Variants in MPP2 observed in about 807,000 individuals in gnomAD.
MPP2 encodes MAGUK p55 scaffold protein 2.
In MPP2, 42 loss-of-function variants were observed where a neutral mutation model predicts 58.5. The ratio of observed to expected loss-of-function variants is 0.72; its 90% CI spans 0.56 to 0.93. MPP2 has a LOEUF of 0.93. Among genes scored for constraint, MPP2 ranks in the 40% least tolerant of loss-of-function variants. The pLI is 0.00. For synonymous variants in MPP2, 300 were observed against 307.8 expected (o/e 0.97, Z 0.26); for missense variants, 632 against 760.4 (o/e 0.83, Z 1.99).
intron 5 of MPP2, 146 bp downstream of exon 5, chr17:43,882,757 G>C (rs147032937): frequency 3.2e-6 from 4 of 1,253,030 alleles, no homozygotes; most frequent in Non-Finnish European, 4.5e-6. Context: ...GTCTTCCCCC[G>C]ACCCTTTGCT....
chr17:43,907,325 G>C, intron 1 of MPP2, 149 bp downstream of exon 1: 1 of 985,780 alleles, frequency 1.0e-6, no homozygotes, highest in Non-Finnish European at 1.2e-6. Context: ...CCCAGGGGCG[G>C]GGGCGGGTGG....
chr17:43,880,133 C>T lies in MPP2; in HGVS notation c.1151-149G>A. 1 of 700,408 alleles carries T rather than the reference C, an allele frequency of 1.4e-6. No homozygotes were observed. Among genetic ancestry groups the T allele is most frequent in the Non-Finnish European group, 2.4e-6 (1 of 410,730 alleles). The allele number at this position is 700,408 out of a possible 1,614,324, so 43.4% of individuals were successfully genotyped here. On this transcript the variant is annotated intron_variant, in intron 10 of 12. Coordinates refer to ENST00000269095, the MANE Select transcript of MPP2 (RefSeq NM_005374.5). This position sits in a 1 kb window ranked among gnomAD's most constrained non-coding sequence, Gnocchi z 5.2. ...TTGCCAGCACTGCTGCCTTTGCACA[C>T]ACCTGCCCCCCACTCTCCCCATTGG...
At chr17:43,900,606 G>A in intron 2 of MPP2, 3 of 1,489,166 alleles carry the variant, frequency 2.0e-6, no homozygotes, top group Non-Finnish European at 1.8e-6. Context: ...GCCGTCTACC[G>A]CCTCCCCAGC....
At chr17:43,878,085 A>C in intron 12 of MPP2, 102 bp from the exon 13 acceptor site, 22 of 1,279,490 alleles carry the variant, frequency 1.7e-5, no homozygotes, top group Non-Finnish European at 2.2e-5. Flanking sequence ...CCAAAGCCCA[A>C]CCCTGGTGTG....
At position 43,879,141 on chromosome 17, in the gene MPP2, G is replaced by T; in HGVS notation, c.1482+134C>A. ...TCCACATCTATGCAGGGGGGACCAC[G>T]TCCTGCCTCACTGATAACTGGAGCA... On this transcript the variant is annotated intron_variant, in intron 12 of 12. Transcript: ENST00000269095. The surrounding 1 kb of genome is among the most constrained non-coding windows in gnomAD (Gnocchi z 4.1). The T allele has an allele frequency of 1.8e-6, 2 of 1,139,570 alleles. No individual in the cohort carries two copies. The highest frequency in any genetic ancestry group is 2.5e-6 in the Non-Finnish European group (2 of 795,014). The allele number at this position is 1,139,570 out of a possible 1,614,324, so 70.6% of individuals were successfully genotyped here. A position where few individuals can be genotyped will look rare whatever the true frequency, so the allele number is the denominator to read the frequency against.
rs2047201049 is a variant in MPP2 at position 43,882,909 on chromosome 17, T to C, written c.447A>G (p.Glu149=). The C allele has an allele frequency of 6.2e-7, 1 of 1,614,046 alleles. No individual in the cohort carries two copies. Among genetic ancestry groups the C allele is most frequent in the Non-Finnish European group, 8.5e-7 (1 of 1,180,004 alleles). Residue 149 remains glutamate, a synonymous_variant, in exon 5 of 13, where the codon GAA becomes GAG. Coordinates refer to ENST00000269095, the MANE Select transcript of MPP2 (RefSeq NM_005374.5). ...RMVGIRKTAG[E]HLGVTFRVEG... The stretch of plus-strand genomic sequence containing the variant: ...GGCCCTGCCCAGTCCTCACCAGATG[T>C]TCTCCGGCTGTCTTGCGGATGCCCA...
Position 43,879,091 on chromosome 17 carries a change from GGAC to G in MPP2, c.1482+181_1482+183del, listed in dbSNP as rs1409641522. On this transcript the variant is annotated intron_variant, in intron 12 of 12. Transcript: ENST00000269095. This position sits in a 1 kb window ranked among gnomAD's most constrained non-coding sequence, Gnocchi z 4.1. ...TGTGCCTGGCTCACTCTGAGACTTTGGACTTCCTCTCTCAGACCTCCCCTTCCA... is the reference window on the plus strand; with the variant it reads ...TGTGCCTGGCTCACTCTGAGACTTTGTTCCTCTCTCAGACCTCCCCTTCCA... Among the ~76,000 whole-genome samples the G allele has an allele frequency of 6.6e-6, 1 of 152,130 alleles. No individual in the cohort carries two copies. The highest frequency in any genetic ancestry group is 2.4e-5 in the African/African-American group (1 of 41,426).
At chr17:43,907,163 C>G (rs1408527970) in intron 1 of MPP2, 7 of 985,274 alleles carry the variant, frequency 7.1e-6, no homozygotes, top group Non-Finnish European at 8.4e-6. Flanking sequence ...CCAACCCGCA[C>G]AGCCCCCGGG....
intron 1 of MPP2, chr17:43,907,162 A>C: frequency 1.0e-6 from 1 of 985,000 alleles, no homozygotes; most frequent in Non-Finnish European, 1.2e-6. Context: ...CCCAACCCGC[A>C]CAGCCCCCGG....
intron 2 of MPP2, chr17:43,900,443 C>T: frequency 6.5e-6 from 10 of 1,546,072 alleles, no homozygotes; most frequent in Non-Finnish European, 8.7e-6. Flanking sequence ...CCAGCTGCCC[C>T]GCCCCCATCT....
In MPP2 at chr17:43,879,337, C is replaced by A. The variant is rs748363050; in HGVS notation, c.1420G>T (p.Glu474Ter). ...YVVFIEAPDF[E>*]TLRAMNRAAL... ...GCCCTGTTCATGGCCCGCAGGGTCT[C>A]GAAGTCTGGGGCCTCGATGAACACC... The change falls in exon 12 of 13, where the codon GAG becomes TAG. Residue 474 changes from glutamate (E) to a stop codon, truncating the protein, a stop_gained. Transcript: ENST00000269095. LOFTEE classifies it high-confidence loss of function. The surrounding 1 kb of genome is among the most constrained non-coding windows in gnomAD (Gnocchi z 4.1). 1.9e-6 allele frequency: 3 copies of A among 1,613,976 alleles called. No individual in the cohort carries two copies. Among genetic ancestry groups the A allele is most frequent in the Admixed American group, 1.7e-5 (1 of 59,998 alleles).
In MPP2 at chr17:43,876,236, T is replaced by C. The variant is rs2046823562; in HGVS notation, c.*1571A>G. 1 of 152,646 alleles carries C rather than the reference T, an allele frequency of 6.6e-6. No individual in the cohort carries two copies. Among genetic ancestry groups the C allele is most frequent in the South Asian group, 2.1e-4 (1 of 4,834 alleles). 9.5% of individuals were successfully genotyped at this position (152,646 alleles called of 1,614,324 possible). On this transcript the variant is annotated 3_prime_UTR_variant, in exon 13 of 13. Coordinates refer to ENST00000269095, the MANE Select transcript of MPP2 (RefSeq NM_005374.5). ...GCACACAGTGGTTCAGGGGCCAGCTTTGGCTGACGCTGCAGCGAAGACTAG... is the reference window on the plus strand; with the variant it reads ...GCACACAGTGGTTCAGGGGCCAGCTCTGGCTGACGCTGCAGCGAAGACTAG...
intron 3 of MPP2, among the ~76,000 whole-genome samples, chr17:43,892,345 TG>T (rs1567893105): frequency 6.6e-6 from 1 of 152,266 alleles, no homozygotes; most frequent in Non-Finnish European, 1.5e-5. Flanking sequence ...TTTTTGCAGC[TG>T]GATCTTTGAT....
At chr17:43,907,679 G>A (rs2048347831), upstream of MPP2, 7 of 985,580 alleles carry the variant, frequency 7.1e-6, no homozygotes, top group Middle Eastern at 5.2e-4. Flanking sequence ...TGGTACGGGG[G>A]CAGCCAGGTA....
Position 43,880,943 on chromosome 17 carries a change from C to G in MPP2, c.989-91G>C. On this transcript the variant is annotated intron_variant, in intron 9 of 12. Transcript: ENST00000269095. The surrounding 1 kb of genome is among the most constrained non-coding windows in gnomAD (Gnocchi z 5.2). ...AGGCTGAGGGCAAGAGGGCTTGGAA[C>G]AGGGGAGCAGGGGGGAGTCGGGCAG... 2 of 1,535,372 alleles carry G rather than the reference C, an allele frequency of 1.3e-6. No individual in the cohort carries two copies. The highest frequency in any genetic ancestry group is 2.3e-5 in the East Asian group (1 of 44,388).
Position 43,882,981 on chromosome 17 carries a change from G to A in MPP2, c.375C>T (p.Asp125=), listed in dbSNP as rs2047205680. Residue 125 remains aspartate (D), a synonymous_variant, in exon 5 of 13, where the codon GAC becomes GAT. Transcript: ENST00000269095. ...YETPPPSPGL[D]PTFSNQPVPP... ...GTACAGGCTGGTTGCTGAATGTAGGGTCCAGGCCAGGGCTGGGGGGTGGTG... is the reference window on the plus strand; with the variant it reads ...GTACAGGCTGGTTGCTGAATGTAGGATCCAGGCCAGGGCTGGGGGGTGGTG... 6.2e-7 allele frequency: 1 copy of A among 1,614,120 alleles called. No individual in the cohort carries two copies.
rs2047927599 is a variant in MPP2 at position 43,898,143 on chromosome 17, CA to C, written c.150+118del. On this transcript the variant is annotated intron_variant, in intron 3 of 12. Transcript: ENST00000269095. ...CATGATTTTCTTCTACAATCCCCTT[CA>C]GGGGGGCCTCTTGTGCCACATGTCC... 1.0e-5 allele frequency: 8 copies of C among 798,100 alleles called. No homozygotes were observed. In the South Asian group the frequency reaches 1.1e-4, roughly 11 times the overall value. The allele number at this position is 798,100 out of a possible 1,614,324, so 49.4% of individuals were successfully genotyped here.
At position 43,880,925 on chromosome 17, in the gene MPP2, G is replaced by C. The variant is rs552974175; in HGVS notation, c.989-73C>G. ...GGGGCGGAGCTCTCAGGGAGGCTGA[G>C]GGCAAGAGGGCTTGGAACAGGGGAG... On this transcript the variant is annotated intron_variant, in intron 9 of 12. Coordinates refer to ENST00000269095, the MANE Select transcript of MPP2 (RefSeq NM_005374.5). The surrounding 1 kb of genome is among the most constrained non-coding windows in gnomAD (Gnocchi z 5.2). The C allele has an allele frequency of 3.2e-6, 5 of 1,555,552 alleles. No homozygotes were observed. The highest frequency in any genetic ancestry group is 1.8e-5 in the Admixed American group (1 of 56,160).
rs2047932301 is a variant in MPP2, at chr17:43,898,227, A to C, written c.150+35T>G. 1.4e-5 allele frequency: 21 copies of C among 1,535,574 alleles called. 1 individual carries two copies. Among genetic ancestry groups the C allele is most frequent in the Non-Finnish European group, 1.9e-5 (21 of 1,108,572 alleles). Reference sequence around the variant, plus strand: ...TCCCCTACTGTGCCTCCCCAAGCACAGTGCCCTTGTGCCCACCTCCCTGGA... The same window carrying C: ...TCCCCTACTGTGCCTCCCCAAGCACCGTGCCCTTGTGCCCACCTCCCTGGA... On this transcript the variant is annotated intron_variant, in intron 3 of 12. Coordinates refer to ENST00000269095, the MANE Select transcript of MPP2 (RefSeq NM_005374.5).
Sources: gnomAD v4.1 joint callset for allele counts (sites outside exome capture counted in the v4.1 genomes callset) on GRCh38, gnomAD v4.1.1 for gene constraint, Gnocchi (gnomAD v3.1) non-coding constraint, MANE v1.5 for transcripts, NCBI Gene and HGNC (gene_info 2026-07-23, HGNC 2026-07-21) for gene names.